Variants in RAB23 observed in about 807,000 individuals in gnomAD.
The protein encoded by RAB23 is RAB23, member RAS oncogene family.
Under a neutral mutation model 30.0 loss-of-function variants are expected in RAB23, and 15 were observed. The observed-to-expected ratio is 0.50, with a 90% CI of 0.33 to 0.77. The LOEUF is 0.77. RAB23 is among the 30% of genes least tolerant of loss of function. The pLI is 0.02. For missense variants in RAB23, 243 were observed against 275.4 expected, an observed-to-expected ratio of 0.88 and a Z score of 0.83; for synonymous variants, 93 against 94.0, an observed-to-expected ratio of 0.99 and a Z score of 0.06.
In RAB23 at chr6:57,188,362, T is replaced by A. The variant is rs1280454794; in HGVS notation, c.*2099A>T. The A allele has an allele frequency of 6.6e-6, 1 of 152,066 alleles. No homozygotes were observed. The highest frequency in any genetic ancestry group is 1.5e-5 in the Non-Finnish European group (1 of 67,970). The allele number at this position is 152,066 out of a possible 1,614,324, so 9.4% of individuals were successfully genotyped here. ...CAAAGCTCTCTCTTCAGTTCTTATT[T>A]AAAAAAAGATAAAACTAGGTACATA... On this transcript the variant is annotated 3_prime_UTR_variant, in exon 7 of 7. Coordinates refer to ENST00000468148, the MANE Select transcript of RAB23 (RefSeq NM_016277.5).
chr6:57,216,418 G>T (rs546008181), intron 1 of RAB23, among the ~76,000 whole-genome samples: 1 of 152,288 alleles, frequency 6.6e-6, no homozygotes, highest in South Asian at 2.1e-4. Flanking sequence ...GAATTTAATT[G>T]ATATTTATAG....
chr6:57,213,162 T>C (rs1765715798), intron 1 of RAB23, among the ~76,000 whole-genome samples: 1 of 152,186 alleles, frequency 6.6e-6, no homozygotes. Context: ...CAGTTCTCAA[T>C]AGAGTTTGGG....
At chr6:57,199,424 G>A (rs1031541002) in intron 3 of RAB23, among the ~76,000 whole-genome samples, 2 of 152,134 alleles carry the variant, frequency 1.3e-5, no homozygotes, top group African/African-American at 4.8e-5. Context: ...CTACTTCCTG[G>A]GATCATGTCC....
intron 5 of RAB23, 52 bp from the exon 6 acceptor site, chr6:57,193,986 A>ATC: frequency 6.3e-7 from 1 of 1,579,240 alleles, no homozygotes; most frequent in Non-Finnish European, 8.6e-7. Flanking sequence ...ATGCATGTAA[A>ATC]TCTGTTATTT....
intron 6 of RAB23, 101 bp from the exon 7 acceptor site, chr6:57,190,701 A>C: frequency 6.8e-7 from 1 of 1,464,280 alleles, no homozygotes; most frequent in South Asian, 1.1e-5. Context: ...AAGTATTTAC[A>C]GTTTCTCTAA....
At chr6:57,194,963 A>G in intron 4 of RAB23, 111 bp from the exon 5 acceptor site, 1 of 764,106 alleles carries the variant, frequency 1.3e-6, no homozygotes. Flanking sequence ...GAAGGGAGGG[A>G]AGGTGGATCA....
intron 3 of RAB23, among the ~76,000 whole-genome samples, chr6:57,200,916 A>G (rs775654075): frequency 2.0e-5 from 3 of 152,198 alleles, no homozygotes; most frequent in Non-Finnish European, 4.4e-5. Context: ...AAGAGATACC[A>G]GTAATGGGGC....
chr6:57,219,148 C>G (rs544355841), intron 1 of RAB23, among the ~76,000 whole-genome samples: 1 of 152,242 alleles, frequency 6.6e-6, no homozygotes, highest in East Asian at 1.9e-4. Context: ...AGTCAGAGGA[C>G]ATATGTACAA....
At chr6:57,216,518 G>C in intron 1 of RAB23, among the ~76,000 whole-genome samples, 1 of 152,168 alleles carries the variant, frequency 6.6e-6, no homozygotes, top group Admixed American at 6.5e-5. Context: ...ACATGTCACA[G>C]GGCAAACCCC....
chr6:57,220,292 A>C lies in RAB23; in HGVS notation c.-66+1434T>G, dbSNP rs1380262421. Among the ~76,000 whole-genome samples the C allele has an allele frequency of 3.9e-5, 6 of 152,352 alleles. No homozygotes were observed. The South Asian group carries it at 6.2e-4, about 16-fold the overall frequency. ...AGTATGTGGAGCAACTAGAACTCTC[A>C]CATGTTGCTTGTGGGAATGCAAAAT... On this transcript the variant is annotated intron_variant, in intron 1 of 6. Transcript: ENST00000468148.
Position 57,203,286 on chromosome 6 carries a change from G to A in RAB23, c.241+4342C>T, listed in dbSNP as rs971008139. 3.4e-4 allele frequency among the ~76,000 whole-genome samples: 52 copies of A among 152,258 alleles called. 1 individual carries two copies. Among genetic ancestry groups the A allele is most frequent in the African/African-American group, 1.1e-3 (45 of 41,550 alleles). On this transcript the variant is annotated intron_variant, in intron 3 of 6. Transcript: ENST00000468148. Reference sequence around the variant, plus strand: ...CTCCCAAAGTGCTGGGATTACAGGCGTGAGCCACTGTGCCCAACCAGTTTT... The same window carrying A: ...CTCCCAAAGTGCTGGGATTACAGGCATGAGCCACTGTGCCCAACCAGTTTT...
intron 3 of RAB23, among the ~76,000 whole-genome samples, chr6:57,197,823 C>T (rs915489229): frequency 6.6e-6 from 1 of 152,204 alleles, no homozygotes; most frequent in South Asian, 2.1e-4. Flanking sequence ...GCTGCAGCCT[C>T]GACCTCCTGG....
At position 57,210,268 on chromosome 6, in the gene RAB23, T is replaced by C; in HGVS notation, c.113A>G (p.Tyr38Cys). 6.2e-7 allele frequency: 1 copy of C among 1,614,138 alleles called. No homozygotes were observed. Among genetic ancestry groups the C allele is most frequent in the African/African-American group, 1.3e-5 (1 of 75,080 alleles). The change falls in exon 2 of 7, where the codon TAC becomes TGC. Residue 38 changes from tyrosine (Y) to cysteine (C), a missense_variant. Transcript: ENST00000468148. ...AAAATCAACTCCAATGGTTTTCTTG[T>C]AGTCTTTTGTAAAAATGCCTTTGCA... Reference protein sequence around the residue: ...RYCKGIFTKDYKKTIGVDFLE... With the variant: ...RYCKGIFTKDCKKTIGVDFLE...
At chr6:57,218,162 A>G (rs971109351) in intron 1 of RAB23, among the ~76,000 whole-genome samples, 3 of 152,202 alleles carry the variant, frequency 2.0e-5, no homozygotes, top group Admixed American at 1.3e-4. Flanking sequence ...ATTAACACCA[A>G]TGTACACAAT....
chr6:57,190,585 G>A lies in RAB23; in HGVS notation c.590C>T (p.Ser197Phe), dbSNP rs2127996379. The A allele has an allele frequency of 1.9e-6, 3 of 1,614,026 alleles. No individual in the cohort carries two copies. Among genetic ancestry groups the A allele is most frequent in the Non-Finnish European group, 2.5e-6 (3 of 1,179,924 alleles). ...ATTCTGACCGGAGTGACTTCCACCA[G>A]ATGTATTAAAGACACCTGTATAAAT... ...SSNKIGVFNT[S>F]GGSHSGQNSG... Residue 197 changes from serine (S) to phenylalanine (F), a missense_variant, in exon 7 of 7, where the codon TCT becomes TTT. Ser to Phe is a radical substitution (Grantham distance 155). Transcript: ENST00000468148.
chr6:57,196,688 G>A, intron 3 of RAB23, 82 bp from the exon 4 acceptor site: 2 of 1,534,290 alleles, frequency 1.3e-6, no homozygotes, highest in Non-Finnish European at 1.8e-6. Context: ...ACAATCTCAT[G>A]AAGAATGGGG....
chr6:57,205,472 C>T (rs190066235), intron 3 of RAB23, among the ~76,000 whole-genome samples: 2 of 152,206 alleles, frequency 1.3e-5, no homozygotes, highest in East Asian at 3.9e-4. Context: ...AACCCTGCCA[C>T]TCCATAAGCC....
At chr6:57,195,357 A>G (rs1350832900) in intron 4 of RAB23, among the ~76,000 whole-genome samples, 1 of 152,138 alleles carries the variant, frequency 6.6e-6, no homozygotes, top group East Asian at 1.9e-4. Flanking sequence ...ACATCTCCAA[A>G]TTGTACTCCT....
chr6:57,206,728 TA>T, intron 3 of RAB23, among the ~76,000 whole-genome samples: 1 of 152,226 alleles, frequency 6.6e-6, no homozygotes, highest in East Asian at 1.9e-4. Context: ...GGGATATGGG[TA>T]AAAAGCCTCC....
Sources: allele counts gnomAD v4.1 joint callset (sites outside exome capture counted in the v4.1 genomes callset), GRCh38; gene constraint gnomAD v4.1.1; transcripts MANE v1.5; gene names NCBI Gene and HGNC (gene_info 2026-07-23, HGNC 2026-07-21).